Variants in SLC2A5 observed in about 807,000 individuals in gnomAD.
The protein encoded by SLC2A5 is solute carrier family 2, facilitated glucose transporter member 5.
Under a neutral mutation model 50.3 loss-of-function variants are expected in SLC2A5, and 56 were observed. The ratio of observed to expected loss-of-function variants is 1.11; its 90% CI spans 0.90 to 1.39. The LOEUF (loss-of-function observed/expected upper bound fraction) is 1.39. Ranked by LOEUF, SLC2A5 falls within the 40% of genes most tolerant of loss-of-function variation. The pLI, the probability that SLC2A5 is intolerant of heterozygous loss-of-function variation, is 0.00. For missense variants in SLC2A5, 566 were observed against 650.1 expected, an observed-to-expected ratio of 0.87 and a Z score of 1.41; for synonymous variants, 269 against 281.9, an observed-to-expected ratio of 0.95 and a Z score of 0.46.
intron 4 of SLC2A5, among the ~76,000 whole-genome samples, chr1:9,042,865 C>T (rs940215084): frequency 2.0e-5 from 3 of 152,048 alleles, no homozygotes; most frequent in African/African-American, 4.8e-5. Flanking sequence ...ACACATATTA[C>T]GGAATATCTG....
At chr1:9,044,577 C>T (rs1641391795) in intron 4 of SLC2A5, among the ~76,000 whole-genome samples, 7 of 151,998 alleles carry the variant, frequency 4.6e-5, no homozygotes, top group Admixed American at 3.9e-4. Flanking sequence ...GTTTTTGAGA[C>T]AGAGTTTCAC....
rs1040607842 is a variant in SLC2A5 at position 9,035,639 on chromosome 1, C to G, written c.*1947G>C. 1 of 152,242 alleles carries G rather than the reference C, an allele frequency of 6.6e-6. No individual in the cohort carries two copies. The highest frequency in any genetic ancestry group is 2.4e-5 in the African/African-American group (1 of 41,446). 9.4% of individuals were successfully genotyped at this position (152,242 alleles called of 1,614,324 possible). A position where few individuals can be genotyped will look rare whatever the true frequency, so the allele number is the denominator to read the frequency against. The stretch of plus-strand genomic sequence containing the variant: ...TTATCCATATTTTTGCACATACACT[C>G]ACACTCACACCCTTTATTCATATCT... On this transcript the variant is annotated 3_prime_UTR_variant, in exon 12 of 12. Coordinates refer to ENST00000377424, the MANE Select transcript of SLC2A5 (RefSeq NM_003039.3).
intron 3 of SLC2A5, among the ~76,000 whole-genome samples, chr1:9,054,660 C>T (rs763963954): frequency 1.5e-4 from 23 of 152,144 alleles, no homozygotes; most frequent in Non-Finnish European, 2.5e-4. Context: ...CGTAGCGGTT[C>T]GTGCCTGTAA....
intron 3 of SLC2A5, among the ~76,000 whole-genome samples, chr1:9,050,180 G>C (rs1218200709): frequency 6.6e-6 from 1 of 152,058 alleles, no homozygotes; most frequent in East Asian, 1.9e-4. Context: ...AGAAGACTGA[G>C]GCTAGAGAAT....
At position 9,079,135 on chromosome 1, in the gene SLC2A5, G is replaced by A. The variant is rs113159749; in HGVS notation, c.-59+5879C>T. On this transcript the variant is annotated intron_variant, in intron 2 of 5. Coordinates refer to the SLC2A5 transcript ENST00000464985. ...AGTCTGCAGGGAGGGTCCAGAAAAC[G>A]TGCGCCTTCCAAGTTTATCTTCCTT... is the stretch of plus-strand genomic sequence containing the variant. Among the ~76,000 whole-genome samples, 8 of 152,212 alleles carry A rather than the reference G, an allele frequency of 5.3e-5. 2 individuals carry two copies. The highest frequency in any genetic ancestry group is 1.2e-4 in the African/African-American group (5 of 41,510).
chr1:9,037,506 C>G lies in SLC2A5; in HGVS notation c.*80G>C. 8.7e-7 allele frequency: 1 copy of G among 1,150,082 alleles called. No homozygotes were observed. The allele number at this position is 1,150,082 out of a possible 1,614,324, so 71.2% of individuals were successfully genotyped here. ...CAGAGTTGTTTTATTTCTGGATATT[C>G]ACAGACAGCTAGAAGTCAGAAAAAT... is the stretch of plus-strand genomic sequence containing the variant. On this transcript the variant is annotated 3_prime_UTR_variant, in exon 12 of 12. Transcript: ENST00000377424.
At chr1:9,090,011 C>T (rs1049661241), upstream of SLC2A5, among the ~76,000 whole-genome samples, 1 of 152,176 alleles carries the variant, frequency 6.6e-6, no homozygotes, top group Non-Finnish European at 1.5e-5. Context: ...CCCATTAGAA[C>T]ATTCATCCGT....
intron 1 of SLC2A5, among the ~76,000 whole-genome samples, chr1:9,066,631 C>T (rs1642090649): frequency 6.6e-6 from 1 of 151,924 alleles, no homozygotes; most frequent in Non-Finnish European, 1.5e-5. Flanking sequence ...TCTTTTCTTC[C>T]TGGCAGAAAG....
upstream of SLC2A5, among the ~76,000 whole-genome samples, chr1:9,091,928 A>C (rs1226563374): frequency 6.6e-6 from 1 of 152,164 alleles, no homozygotes; most frequent in Non-Finnish European, 1.5e-5. Flanking sequence ...CTCTAGCAAA[A>C]ACACACACAC....
intron 2 of SLC2A5, among the ~76,000 whole-genome samples, chr1:9,075,197 T>C (rs117964643): frequency 0.012 from 1,764 of 152,286 alleles, 40 homozygotes; most frequent in South Asian, 0.063. Flanking sequence ...AGATGAGTTA[T>C]AGGTCTGTCT....
upstream of SLC2A5, among the ~76,000 whole-genome samples, chr1:9,090,103 T>C (rs1642447598): frequency 6.6e-6 from 1 of 152,194 alleles, no homozygotes; most frequent in African/African-American, 2.4e-5. Context: ...CACTCTTTTT[T>C]GGTCATTCCT....
intron 2 of SLC2A5, among the ~76,000 whole-genome samples, chr1:9,075,496 C>G (rs746468656): frequency 2.6e-5 from 4 of 152,198 alleles, no homozygotes; most frequent in African/African-American, 4.8e-5. Context: ...CTACCTACAA[C>G]TGTCTTGGTA....
upstream of SLC2A5, among the ~76,000 whole-genome samples, chr1:9,074,132 GT>G (rs1642255992): frequency 2.0e-5 from 3 of 151,274 alleles, no homozygotes; most frequent in Non-Finnish European, 4.4e-5. Context: ...TTGTGTTTGT[GT>G]TCTTAGCAGC....
chr1:9,069,806 A>T, upstream of SLC2A5: 1 of 483,794 alleles, frequency 2.1e-6, no homozygotes, highest in South Asian at 2.6e-5. Flanking sequence ...GGAACAGTCT[A>T]CGGTATTTCC....
At chr1:9,043,968 C>T (rs1256693551) in intron 4 of SLC2A5, among the ~76,000 whole-genome samples, 25 of 151,566 alleles carry the variant, frequency 1.6e-4, no homozygotes, top group Admixed American at 1.4e-3. Flanking sequence ...GTGATCCACC[C>T]GCCTCGGCCT....
chr1:9,079,043 C>T (rs766291189), intron 2 of SLC2A5, among the ~76,000 whole-genome samples: 2 of 152,160 alleles, frequency 1.3e-5, no homozygotes, highest in Non-Finnish European at 2.9e-5. Context: ...CGCGCGGTGT[C>T]TCCCTCTTCC....
At chr1:9,087,915 A>G (rs1642420596) in intron 1 of SLC2A5, among the ~76,000 whole-genome samples, 1 of 151,992 alleles carries the variant, frequency 6.6e-6, no homozygotes, top group African/African-American at 2.4e-5. Flanking sequence ...GGAACATCCA[A>G]CATTTGGCTT....
At chr1:9,060,156 C>CTACACACACTACAT (rs1641886840) in intron 1 of SLC2A5, among the ~76,000 whole-genome samples, 1 of 103,830 alleles carries the variant, frequency 9.6e-6, no homozygotes, top group South Asian at 3.6e-4. Context: ...ACACACTACA[C>CTACACACACTACAT]ACACTACACA....
Position 9,037,968 on chromosome 1 carries a change from C to A in SLC2A5, c.1231G>T (p.Ala411Ser). Reference protein sequence around the residue: ...EIFLQSSRPSAFMVGGSVHWL... With the variant: ...EIFLQSSRPSSFMVGGSVHWL... Reference sequence around the variant, plus strand: ...TGCACACTGCCCCCCACCATGAAGGCAGATGGCCGAGAGGACTGCAGGAAG... The same window carrying A: ...TGCACACTGCCCCCCACCATGAAGGAAGATGGCCGAGAGGACTGCAGGAAG... Residue 411 changes from alanine (A) to serine (S), a missense_variant, in exon 11 of 12, where the codon GCC becomes TCC. Transcript: ENST00000377424. 1 of 1,614,034 alleles carries A rather than the reference C, an allele frequency of 6.2e-7. No homozygotes were observed. The highest frequency in any genetic ancestry group is 2.2e-5 in the East Asian group (1 of 44,886).
Sources: gnomAD v4.1 joint callset for allele counts (sites outside exome capture counted in the v4.1 genomes callset) on GRCh38, gnomAD v4.1.1 for gene constraint, MANE v1.5 for transcripts, NCBI Gene and HGNC (gene_info 2026-07-23, HGNC 2026-07-21) for gene names.